Variants in SMIM36 observed in about 807,000 individuals in gnomAD.
SMIM36 encodes small integral membrane protein 36.
chr17:55,467,276 T>G (rs1319901188), exon 4 of SMIM36: 2 of 152,204 alleles, frequency 1.3e-5, no homozygotes, highest in Non-Finnish European at 2.9e-5. Flanking sequence ...TTCAAAAGCT[T>G]CTTTTTATTA....
At chr17:55,485,031 T>C (rs1028009379) in intron 1 of SMIM36, among the ~76,000 whole-genome samples, 1 of 152,216 alleles carries the variant, frequency 6.6e-6, no homozygotes, top group Non-Finnish European at 1.5e-5. Context: ...TCACAGATAC[T>C]GTAAGAAAAT....
intron 4 of SMIM36, among the ~76,000 whole-genome samples, chr17:55,465,780 G>T (rs1200938896): frequency 6.6e-6 from 1 of 152,082 alleles, no homozygotes; most frequent in East Asian, 1.9e-4. Flanking sequence ...GCTATTAGGG[G>T]TTCCCAAACT....
chr17:55,475,147 T>TCTTCTGTCTCGTCATACTCCTATTCACC (rs1366578793), intron 3 of SMIM36, among the ~76,000 whole-genome samples: 8 of 152,082 alleles, frequency 5.3e-5, no homozygotes, highest in Non-Finnish European at 8.8e-5. Flanking sequence ...ATCCCTACTA[T>TCTTCTGTCTCGTCATACTCCTATTCACC]CTTCTGTCTC....
At chr17:55,465,553 A>G (rs951476096) in intron 4 of SMIM36, among the ~76,000 whole-genome samples, 2 of 152,220 alleles carry the variant, frequency 1.3e-5, no homozygotes, top group Non-Finnish European at 1.5e-5. Flanking sequence ...GGGTAGATGC[A>G]TATGACAGAA....
chr17:55,460,476 A>AC (rs1281263914), intron 4 of SMIM36, among the ~76,000 whole-genome samples: 1 of 152,080 alleles, frequency 6.6e-6, no homozygotes. Flanking sequence ...AACAACAACA[A>AC]AAAAGCTATA....
the SMIM36 span, among the ~76,000 whole-genome samples, chr17:55,518,242 A>G: frequency 2.6e-5 from 4 of 152,208 alleles, no homozygotes; most frequent in Admixed American, 6.5e-5. Context: ...TGAATTTGTC[A>G]TTTCATCAAG....
At chr17:55,522,764 G>A in the SMIM36 span, among the ~76,000 whole-genome samples, 1 of 152,062 alleles carries the variant, frequency 6.6e-6, no homozygotes. Flanking sequence ...TATGGCACTT[G>A]TCCCCATCTG....
intron 1 of SMIM36, among the ~76,000 whole-genome samples, chr17:55,507,620 C>T (rs1011816553): frequency 7.3e-6 from 1 of 137,302 alleles, no homozygotes; most frequent in Non-Finnish European, 1.6e-5. Flanking sequence ...GGAGATATAC[C>T]TAATGCTAGA....
chr17:55,487,695 A>C (rs1020396969), intron 1 of SMIM36, among the ~76,000 whole-genome samples: 1 of 152,184 alleles, frequency 6.6e-6, no homozygotes, highest in Non-Finnish European at 1.5e-5. Flanking sequence ...AGTTCAGCTC[A>C]CTTGGGGCTT....
rs186156896 is a variant in SMIM36, at chr17:55,451,894, C to T, written c.*532-1596G>A. On this transcript the variant is annotated intron_variant, in intron 4 of 4. Coordinates refer to ENST00000636752, the Ensembl canonical transcript of SMIM36. ...GGAGGACCACTTGAGGCCAGGAGTT[C>T]GAGACCAGTCTGGGCAGCATAGTGA... Among the ~76,000 whole-genome samples, 501 of 151,930 alleles carry T rather than the reference C, an allele frequency of 3.3e-3. 1 individual carries two copies. The highest frequency in any genetic ancestry group is 0.011 in the African/African-American group (465 of 41,444).
exon 1 of SMIM36, chr17:55,510,997 G>A: frequency 2.5e-6 from 1 of 397,760 alleles, no homozygotes; most frequent in Non-Finnish European, 4.4e-6. Context: ...ACGATAGGGA[G>A]CAGTTTGTCT....
At chr17:55,516,405 A>T (rs1213561258), upstream of SMIM36, among the ~76,000 whole-genome samples, 2 of 152,176 alleles carry the variant, frequency 1.3e-5, no homozygotes, top group African/African-American at 4.8e-5. Context: ...CAAAGTCCAT[A>T]GACTTTGAGC....
chr17:55,530,262 G>A, the SMIM36 span, among the ~76,000 whole-genome samples: 142 of 152,272 alleles, frequency 9.3e-4, 2 homozygotes, highest in Admixed American at 9.2e-3. Context: ...GGAGAGAGGA[G>A]GATTACAAAT....
chr17:55,490,468 T>G (rs866359921), intron 1 of SMIM36, among the ~76,000 whole-genome samples: 6 of 152,218 alleles, frequency 3.9e-5, no homozygotes, highest in African/African-American at 1.4e-4. Context: ...GCTCATGTTC[T>G]AAAGAATAAT....
chr17:55,478,629 A>G (rs1428480003), intron 3 of SMIM36, 133 bp downstream of exon 3: 2 of 152,228 alleles, frequency 1.3e-5, no homozygotes, highest in Non-Finnish European at 2.9e-5. Flanking sequence ...TCATTTACAA[A>G]CATGGTTCTT....
intron 3 of SMIM36, among the ~76,000 whole-genome samples, chr17:55,467,913 C>T (rs1909270978): frequency 6.6e-6 from 1 of 152,128 alleles, no homozygotes; most frequent in Admixed American, 6.5e-5. Flanking sequence ...CCCACCCTAA[C>T]TGATCAATTG....
chr17:55,481,228 T>A (rs1311270380), intron 1 of SMIM36, among the ~76,000 whole-genome samples: 1 of 152,144 alleles, frequency 6.6e-6, no homozygotes, highest in Non-Finnish European at 1.5e-5. Context: ...TCAGAGCTTA[T>A]TTACTCTTAT....
At chr17:55,458,529 C>T (rs894439174) in intron 4 of SMIM36, 1 of 152,318 alleles carries the variant, frequency 6.6e-6, no homozygotes, top group African/African-American at 2.4e-5. Context: ...CCTGGCCTGC[C>T]ACGCCCCATC....
At chr17:55,476,123 C>T (rs552355923) in intron 3 of SMIM36, among the ~76,000 whole-genome samples, 22 of 152,196 alleles carry the variant, frequency 1.4e-4, no homozygotes, top group African/African-American at 4.6e-4. Flanking sequence ...TCCCCTGTGA[C>T]CTGCATGTAT....
Sources: allele counts gnomAD v4.1 joint callset (sites outside exome capture counted in the v4.1 genomes callset), GRCh38; gene constraint gnomAD v4.1.1; transcripts MANE v1.5; gene names NCBI Gene and HGNC (gene_info 2026-07-23, HGNC 2026-07-21).